PITRM1: variants seen among roughly 807,000 people sequenced by gnomAD.
PITRM1 encodes the protein pitrilysin metallopeptidase 1.
PITRM1 carries 100 observed loss-of-function variants against 129.9 expected under a neutral mutation model. That is an observed-to-expected ratio of 0.77 (90% confidence interval 0.65 to 0.91). PITRM1 has a LOEUF of 0.91. PITRM1 is among the 40% of genes least tolerant of loss of function. The pLI, the probability that PITRM1 is intolerant of heterozygous loss-of-function variation, is 0.00. For synonymous variants in PITRM1, 591 were observed against 508.8 expected, an observed-to-expected ratio of 1.16 and a Z score of -2.17; for missense variants, 1,471 against 1,318.3, an observed-to-expected ratio of 1.12 and a Z score of -1.79.
At chr10:3,165,592 A>C in intron 4 of PITRM1, 65 bp from the exon 5 acceptor site, 3 of 958,748 alleles carry the variant, frequency 3.1e-6, no homozygotes, top group Non-Finnish European at 4.9e-6. Context: ...ATTGACTCTC[A>C]AGACTCATTC....
intron 9 of PITRM1, 64 bp downstream of exon 9, chr10:3,159,784 C>T: frequency 1.0e-6 from 1 of 960,652 alleles, no homozygotes; most frequent in South Asian, 1.4e-5. Context: ...CACTTCCGAA[C>T]CTTCTAATAG....
chr10:3,164,089 G>A (rs1225230258), intron 6 of PITRM1: 4 of 327,876 alleles, frequency 1.2e-5, no homozygotes, highest in Admixed American at 5.1e-5. Context: ...CATCACCCAC[G>A]CACAGGACCC....
chr10:3,144,020 T>C (rs1462252950), intron 22 of PITRM1: 1 of 562,410 alleles, frequency 1.8e-6, no homozygotes, highest in Admixed American at 3.1e-5. Flanking sequence ...CCCAGAGCAG[T>C]AGCCCTCTTC....
At chr10:3,163,190 GT>G (rs1177945220) in intron 7 of PITRM1, 1 of 151,036 alleles carries the variant, frequency 6.6e-6, no homozygotes, top group Non-Finnish European at 1.5e-5. Context: ...TTGCAAATAT[GT>G]TTTTACATTA....
At chr10:3,165,008 G>A (rs1842740847) in intron 6 of PITRM1, among the ~76,000 whole-genome samples, 1 of 152,238 alleles carries the variant, frequency 6.6e-6, no homozygotes, top group African/African-American at 2.4e-5. Flanking sequence ...TCACAGACTT[G>A]CTGCAGATCA....
chr10:3,143,181 C>A (rs1050393666), intron 23 of PITRM1: 12 of 576,906 alleles, frequency 2.1e-5, no homozygotes, highest in Non-Finnish European at 3.4e-5. Context: ...AAATTGTTTA[C>A]AAAAATGACT....
At chr10:3,165,899 C>G (rs1350250332) in intron 4 of PITRM1, among the ~76,000 whole-genome samples, 1 of 152,224 alleles carries the variant, frequency 6.6e-6, no homozygotes, top group Non-Finnish European at 1.5e-5. Flanking sequence ...TCATCGTCAC[C>G]CTATCCACTA....
At chr10:3,148,471 T>C (rs993501198) in intron 16 of PITRM1, 180 bp from the exon 17 acceptor site, 3 of 671,998 alleles carry the variant, frequency 4.5e-6, no homozygotes, top group East Asian at 2.8e-5. Flanking sequence ...CGAGAGTTCA[T>C]GTGCCCCCTT....
chr10:3,167,365 TTTA>T (rs781689577), intron 2 of PITRM1, among the ~76,000 whole-genome samples: 39 of 152,266 alleles, frequency 2.6e-4, no homozygotes, highest in Non-Finnish European at 2.2e-4. Context: ...TTTTAAATTT[TTTA>T]TTCTTTTTTT....
At chr10:3,153,137 T>C (rs999146607) in intron 14 of PITRM1, among the ~76,000 whole-genome samples, 4 of 152,210 alleles carry the variant, frequency 2.6e-5, no homozygotes, top group Non-Finnish European at 5.9e-5. Context: ...GCACTAGCAC[T>C]GTGCCCTCCT....
At chr10:3,157,321 T>C (rs1842056532) in intron 12 of PITRM1, 114 bp downstream of exon 12, 1 of 672,658 alleles carries the variant, frequency 1.5e-6, no homozygotes, top group African/African-American at 1.8e-5. Flanking sequence ...TTATAAACCC[T>C]TACCCATTTA....
chr10:3,143,805 C>A (rs1159641233), intron 22 of PITRM1: 1 of 621,558 alleles, frequency 1.6e-6, no homozygotes, highest in East Asian at 3.6e-5. Flanking sequence ...TCATTCTACG[C>A]CGTTTATATC....
chr10:3,147,555 C>T lies in PITRM1; in HGVS notation c.2235+17G>A. 4 of 1,612,954 alleles carry T rather than the reference C, an allele frequency of 2.5e-6. No individual in the cohort carries two copies. The highest frequency in any genetic ancestry group is 3.4e-6 in the Non-Finnish European group (4 of 1,179,146). On this transcript the variant is annotated intron_variant, in intron 19 of 26. Transcript: ENST00000224949. ...TGGCTAAACCGGAGTAATAGAGGTT[C>T]CTTCCAAGCTTCCCACCTGATCCAT...
At position 3,148,257 on chromosome 10, in the gene PITRM1, C is replaced by A. The variant is rs747032376; in HGVS notation, c.1906G>T (p.Ala636Ser). 1 of 1,613,766 alleles carries A rather than the reference C, an allele frequency of 6.2e-7. No individual in the cohort carries two copies. Among genetic ancestry groups the A allele is most frequent in the Admixed American group, 1.7e-5 (1 of 60,016 alleles). Residue 636 changes from alanine (A) to serine (S), a missense_variant, in exon 17 of 27, where the codon GCT becomes TCT. Coordinates refer to ENST00000224949, the MANE Select transcript of PITRM1 (RefSeq NM_014889.4). ...GCGLLDYREQ[A>S]QQIELKTGGM... The stretch of plus-strand genomic sequence containing the variant: ...CCGGTCTTCAATTCTATCTGCTGAG[C>A]CTGCTCCCGGTAGTCAAGAAGGCCG...
At chr10:3,149,583 C>T in intron 16 of PITRM1, 38 bp downstream of exon 16, 1 of 1,510,066 alleles carries the variant, frequency 6.6e-7, no homozygotes, top group Non-Finnish European at 8.8e-7. Flanking sequence ...ACAAAGCAGA[C>T]ATTAATAAGA....
chr10:3,169,748 T>C (rs1588730344), intron 2 of PITRM1, among the ~76,000 whole-genome samples: 2 of 152,374 alleles, frequency 1.3e-5, no homozygotes, highest in African/African-American at 4.8e-5. Context: ...AGCTATTTGA[T>C]GGCAAAACCT....
At chr10:3,155,760 A>C (rs1156917990) in intron 13 of PITRM1, 31 bp from the exon 14 acceptor site, 1 of 1,611,458 alleles carries the variant, frequency 6.2e-7, no homozygotes, top group East Asian at 2.2e-5. Flanking sequence ...ACAAAAGCCA[A>C]GTGAAAACAA....
intron 13 of PITRM1, among the ~76,000 whole-genome samples, chr10:3,156,322 A>C (rs1841982061): frequency 6.6e-6 from 1 of 152,260 alleles, no homozygotes; most frequent in African/African-American, 2.4e-5. Flanking sequence ...CAAACAGGTG[A>C]GATAACTAGA....
At chr10:3,154,828 C>T (rs964319897) in intron 14 of PITRM1, among the ~76,000 whole-genome samples, 3 of 152,256 alleles carry the variant, frequency 2.0e-5, no homozygotes, top group Non-Finnish European at 2.9e-5. Context: ...TCCCTTCCTT[C>T]GTTCCACCCG....
Sources: allele counts gnomAD v4.1 joint callset (sites outside exome capture counted in the v4.1 genomes callset), GRCh38; gene constraint gnomAD v4.1.1; transcripts MANE v1.5; gene names NCBI Gene and HGNC (gene_info 2026-07-23, HGNC 2026-07-21).